The following IFNAR2 variants were observed in gnomAD, a reference collection of about 807,000 sequenced individuals.
IFNAR2 encodes the protein interferon alpha and beta receptor subunit 2.
IFNAR2 carries 30 observed loss-of-function variants against 49.4 expected under a neutral mutation model. That is an observed-to-expected ratio of 0.61 (90% CI 0.45 to 0.82). IFNAR2 has a LOEUF of 0.82. Among genes scored for constraint, IFNAR2 ranks in the 40% least tolerant of loss-of-function variants. The probability of loss-of-function intolerance (pLI) is 0.00; values close to 1 mark genes in which losing one functional copy is unlikely to be tolerated. For missense variants in IFNAR2, 600 were observed against 622.7 expected, an observed-to-expected ratio of 0.96 and a Z score of 0.39; for synonymous variants, 224 against 234.5, an observed-to-expected ratio of 0.96 and a Z score of 0.41.
intron 5 of IFNAR2, among the ~76,000 whole-genome samples, chr21:33,248,269 G>A (rs1019220634): frequency 1.3e-5 from 2 of 151,588 alleles, no homozygotes; most frequent in African/African-American, 4.8e-5. Context: ...CACTTTGGGA[G>A]GCCTAGACCA....
In IFNAR2 at chr21:33,252,790, T is replaced by G. The variant is rs371115590; in HGVS notation, c.669T>G (p.Ser223=). 51 of 1,614,018 alleles carry G rather than the reference T, an allele frequency of 3.2e-5. No homozygotes were observed. The African/African-American group carries it at 5.1e-4, about 16-fold the overall frequency. ...EHSDEQAVIK[S]PLKCTLLPPG... is the part of the protein sequence containing the mutation. ...GTGATGAGCAAGCAGTAATAAAGTC[T>G]CCCTTAAAATGCACCCTCCTTCCAC... The change falls in exon 7 of 9, where the codon TCT becomes TCG. Residue 223 remains serine (S), a synonymous_variant. Coordinates refer to ENST00000342136, the MANE Select transcript of IFNAR2 (RefSeq NM_001289125.3).
chr21:33,232,045 A>G (rs1274335881), intron 1 of IFNAR2, among the ~76,000 whole-genome samples: 2 of 152,240 alleles, frequency 1.3e-5, no homozygotes, highest in Non-Finnish European at 2.9e-5. Context: ...TATCAAAGCT[A>G]AAACCCAAAC....
At chr21:33,235,373 C>T (rs912139249) in intron 1 of IFNAR2, among the ~76,000 whole-genome samples, 1 of 152,118 alleles carries the variant, frequency 6.6e-6, no homozygotes, top group Non-Finnish European at 1.5e-5. Context: ...GACCTGTCAC[C>T]TGGGGCTCAG....
chr21:33,249,922 G>C (rs1601806696), intron 6 of IFNAR2, among the ~76,000 whole-genome samples: 1 of 152,066 alleles, frequency 6.6e-6, no homozygotes, highest in Admixed American at 6.6e-5. Flanking sequence ...GAGGAGGTGA[G>C]GTCAGAGGGT....
intron 1 of IFNAR2, among the ~76,000 whole-genome samples, chr21:33,239,968 T>G (rs1986793202): frequency 9.3e-6 from 1 of 107,872 alleles, no homozygotes; most frequent in Non-Finnish European, 1.9e-5. Flanking sequence ...GCCCTCAATG[T>G]TGTGAGCTAC....
intron 7 of IFNAR2, among the ~76,000 whole-genome samples, chr21:33,257,265 T>C (rs141904269): frequency 0.01 from 1,539 of 152,336 alleles, 13 homozygotes; most frequent in Non-Finnish European, 0.013. Context: ...GTGGTCTCGC[T>C]GACTTCAAGA....
intron 5 of IFNAR2, among the ~76,000 whole-genome samples, chr21:33,247,254 C>CTTTT (rs59707670): frequency 2.2e-5 from 2 of 91,574 alleles, no homozygotes; most frequent in African/African-American, 4.2e-5. Flanking sequence ...TTCTTTCTTT[C>CTTTT]TTTTTTTTTT....
At chr21:33,231,514 C>G (rs1986062759) in intron 1 of IFNAR2, among the ~76,000 whole-genome samples, 1 of 152,058 alleles carries the variant, frequency 6.6e-6, no homozygotes, top group Non-Finnish European at 1.5e-5. Flanking sequence ...GGTGATTTGT[C>G]TAAAAGTCAT....
intron 1 of IFNAR2, among the ~76,000 whole-genome samples, chr21:33,239,986 A>G (rs1601792683): frequency 8.9e-6 from 1 of 111,976 alleles, no homozygotes; most frequent in Non-Finnish European, 1.8e-5. Context: ...TACAGGTTCT[A>G]TATTCTCCCT....
rs1324760071 is a variant in IFNAR2 at position 33,230,504 on chromosome 21, C to T, written c.-84+288C>T. 2 of 470,182 alleles carry T rather than the reference C, an allele frequency of 4.3e-6. No homozygotes were observed. Among genetic ancestry groups the T allele is most frequent in the South Asian group, 3.1e-5 (2 of 64,428 alleles). The allele number at this position is 470,182 out of a possible 1,614,324, so 29.1% of individuals were successfully genotyped here. On this transcript the variant is annotated intron_variant, in intron 1 of 8. Coordinates refer to ENST00000342136, the MANE Select transcript of IFNAR2 (RefSeq NM_001289125.3). This position sits in a 1 kb window ranked among gnomAD's most constrained non-coding sequence, Gnocchi z 5.5. ...CGCTTTCGTTGCACCCCTCCGCGTCCCACCCCACCCCACCAAGGATGCCCA... is the reference window on the plus strand; with the variant it reads ...CGCTTTCGTTGCACCCCTCCGCGTCTCACCCCACCCCACCAAGGATGCCCA...
At position 33,263,181 on chromosome 21, in the gene IFNAR2, A is replaced by C; in HGVS notation, c.1229A>C (p.Asp410Ala). ...SPLQDPFPEE[D>A]YSSTEGSGGR... ...CTCCAGGACCCTTTTCCCGAAGAGGACTACAGCTCCACGGAGGGGTCTGGG... is the reference window on the plus strand; with the variant it reads ...CTCCAGGACCCTTTTCCCGAAGAGGCCTACAGCTCCACGGAGGGGTCTGGG... The change falls in exon 9 of 9, where the codon GAC (aspartate) becomes GCC (alanine). Residue 410 changes from aspartate to alanine, a missense_variant. Coordinates refer to ENST00000342136, the MANE Select transcript of IFNAR2 (RefSeq NM_001289125.3). The C allele has an allele frequency of 6.2e-7, 1 of 1,614,200 alleles. No individual in the cohort carries two copies. The highest frequency in any genetic ancestry group is 8.5e-7 in the Non-Finnish European group (1 of 1,180,036).
chr21:33,261,558 C>T (rs77244139), intron 8 of IFNAR2, among the ~76,000 whole-genome samples: 3,409 of 152,092 alleles, frequency 0.022, 129 homozygotes, highest in African/African-American at 0.077. Context: ...AACATATACA[C>T]AAAGTGGATT....
chr21:33,236,848 G>T (rs1184969557), intron 1 of IFNAR2: 10 of 984,916 alleles, frequency 1.0e-5, no homozygotes, highest in Non-Finnish European at 1.2e-5. Flanking sequence ...GGGCCTGGGG[G>T]TACTGAGACT....
rs746205111 is a variant in IFNAR2 at position 33,241,917 on chromosome 21, G to A, written c.-6G>A. ...AAGTCAAGAGAAGACTCTAAAAATA[G>A]CAAAGATGCTTTTGAGCCAGAATGC... is the stretch of plus-strand genomic sequence containing the variant. On this transcript the variant is annotated 5_prime_UTR_variant, in exon 2 of 9. Coordinates refer to ENST00000342136, the MANE Select transcript of IFNAR2 (RefSeq NM_001289125.3). The A allele has an allele frequency of 6.2e-6, 10 of 1,611,872 alleles. No homozygotes were observed. In the South Asian group the frequency reaches 1.1e-4, roughly 18 times the overall value.
rs191234314 is a variant in IFNAR2, at chr21:33,245,977, A to G, written c.222-741A>G. 3.5e-3 allele frequency among the ~76,000 whole-genome samples: 528 copies of G among 152,158 alleles called. 9 individuals are homozygous for G. Among genetic ancestry groups the G allele is most frequent in the African/African-American group, 0.012 (497 of 41,500 alleles). On this transcript the variant is annotated intron_variant, in intron 4 of 8. Transcript: ENST00000342136. ...CTTAGCCAGAGAGGGAGGGGGTCTC[A>G]GGGAAGGCATTCATAATTGTCCCAT... is the stretch of plus-strand genomic sequence containing the variant.
chr21:33,263,740 C>A lies in IFNAR2; in HGVS notation c.*240C>A. ...CACTTTGAAGGAAGCACATGTGCAC[C>A]TTTCCTTTACACTAATGCACTTAGG... On this transcript the variant is annotated 3_prime_UTR_variant, in exon 9 of 9. Transcript: ENST00000342136. 1.9e-6 allele frequency: 1 copy of A among 526,036 alleles called. No homozygotes were observed. The highest frequency in any genetic ancestry group is 3.4e-6 in the Non-Finnish European group (1 of 294,898). 32.6% of individuals were successfully genotyped at this position (526,036 alleles called of 1,614,324 possible).
intron 7 of IFNAR2, among the ~76,000 whole-genome samples, chr21:33,257,593 G>C (rs1250057424): frequency 6.6e-6 from 1 of 151,564 alleles, no homozygotes; most frequent in South Asian, 2.1e-4. Context: ...TGATTGGTGC[G>C]TTTTACAGAA....
At chr21:33,248,349 AAAAGAAAGAGAG>A (rs1397896608) in intron 5 of IFNAR2, among the ~76,000 whole-genome samples, 1 of 138,194 alleles carries the variant, frequency 7.2e-6, no homozygotes, top group Non-Finnish European at 1.6e-5. Flanking sequence ...TCTACATTAA[AAAAGAAAGAGAG>A]AAAGAAAGAA....
At chr21:33,259,434 A>G (rs752329656) in intron 7 of IFNAR2, among the ~76,000 whole-genome samples, 2 of 152,182 alleles carry the variant, frequency 1.3e-5, no homozygotes, top group Non-Finnish European at 2.9e-5. Context: ...CAAAAATTCT[A>G]AGTTCTCCTA....
Sources: gnomAD v4.1 joint callset for allele counts (sites outside exome capture counted in the v4.1 genomes callset) on GRCh38, gnomAD v4.1.1 for gene constraint, Gnocchi (gnomAD v3.1) non-coding constraint, MANE v1.5 for transcripts, NCBI Gene and HGNC (gene_info 2026-07-23, HGNC 2026-07-21) for gene names.